PLEKHA1: variants seen among roughly 807,000 people sequenced by gnomAD.
PLEKHA1 encodes pleckstrin homology domain containing A1.
PLEKHA1 carries 34 observed loss-of-function variants against 52.0 expected under a neutral mutation model. The observed-to-expected ratio is 0.65, with a 90% CI of 0.50 to 0.87. PLEKHA1 has a LOEUF of 0.87. Among genes scored for constraint, PLEKHA1 ranks in the 40% least tolerant of loss-of-function variants. The pLI is 0.00. For synonymous variants in PLEKHA1, 163 were observed against 170.7 expected (o/e 0.95, Z 0.35); for missense variants, 497 against 504.2 (o/e 0.99, Z 0.14).
At chr10:122,376,186 G>T (rs2096532192) in intron 1 of PLEKHA1, among the ~76,000 whole-genome samples, 1 of 152,072 alleles carries the variant, frequency 6.6e-6, no homozygotes, top group African/African-American at 2.4e-5. Flanking sequence ...AAAATAATAA[G>T]ATTTATTCTG....
At chr10:122,429,564 C>CT in intron 11 of PLEKHA1, 60 bp from the exon 12 acceptor site, 1 of 1,485,346 alleles carries the variant, frequency 6.7e-7, no homozygotes, top group Middle Eastern at 1.8e-4. Context: ...AAGTCTCACA[C>CT]TGAGTTACTA....
intron 9 of PLEKHA1, 44 bp downstream of exon 9, chr10:122,424,307 A>G: frequency 6.4e-7 from 1 of 1,554,550 alleles, no homozygotes; most frequent in Non-Finnish European, 8.7e-7. Flanking sequence ...AGTTATAAAC[A>G]CAGAATAGTG....
downstream of PLEKHA1, chr10:122,435,996 T>TA (rs982430801): frequency 6.6e-6 from 1 of 152,118 alleles, no homozygotes; most frequent in Non-Finnish European, 1.5e-5. Context: ...CTGACACTGA[T>TA]ACAGTCAAGA....
intron 1 of PLEKHA1, among the ~76,000 whole-genome samples, chr10:122,377,533 G>A (rs1402845065): frequency 6.6e-6 from 1 of 152,172 alleles, no homozygotes; most frequent in East Asian, 1.9e-4. Context: ...TTGACATGGT[G>A]TCTGAAAGGA....
intron 1 of PLEKHA1, among the ~76,000 whole-genome samples, chr10:122,391,523 T>C (rs2096775253): frequency 6.6e-6 from 1 of 152,172 alleles, no homozygotes; most frequent in Admixed American, 6.5e-5. Context: ...GAGGCTTTTT[T>C]CCCCCACATT....
At chr10:122,397,108 C>A (rs1183385691) in intron 2 of PLEKHA1, among the ~76,000 whole-genome samples, 5 of 152,014 alleles carry the variant, frequency 3.3e-5, no homozygotes, top group Admixed American at 2.0e-4. Flanking sequence ...CACATAGCCC[C>A]CCTCTCTCTT....
chr10:122,428,877 A>G (rs1388538269), intron 11 of PLEKHA1, among the ~76,000 whole-genome samples: 2 of 152,204 alleles, frequency 1.3e-5, no homozygotes, highest in Non-Finnish European at 2.9e-5. Context: ...TAGAATGGTC[A>G]TATTTAAGGA....
At chr10:122,424,374 T>G in intron 9 of PLEKHA1, 111 bp downstream of exon 9, 1 of 1,219,008 alleles carries the variant, frequency 8.2e-7, no homozygotes, top group Non-Finnish European at 1.1e-6. Context: ...TTGTAGTTAT[T>G]TTTAACTCTT....
intron 1 of PLEKHA1, among the ~76,000 whole-genome samples, chr10:122,390,487 G>A (rs1376643012): frequency 1.3e-5 from 2 of 152,106 alleles, no homozygotes; most frequent in Non-Finnish European, 2.9e-5. Context: ...GGTTTAAAGC[G>A]AGACACTTGG....
rs564206324 is a variant in PLEKHA1 at position 122,375,626 on chromosome 10, C to T, written c.-21+820C>T. On this transcript the variant is annotated intron_variant, in intron 1 of 11. Coordinates refer to ENST00000368990, the MANE Select transcript of PLEKHA1 (RefSeq NM_001001974.4). ...GAAAGTGTGTCATAATGAAAGCGGT[C>T]CTGTTGCTTATAGTGTTTACCGCCT... Among the ~76,000 whole-genome samples, 14 of 152,276 alleles carry T rather than the reference C, an allele frequency of 9.2e-5. 1 individual carries two copies. The highest frequency in any genetic ancestry group is 3.3e-4 in the Admixed American group (5 of 15,304).
At chr10:122,417,789 T>C (rs892902449) in intron 7 of PLEKHA1, 111 bp from the exon 8 acceptor site, 47 of 719,806 alleles carry the variant, frequency 6.5e-5, no homozygotes, top group Non-Finnish European at 9.5e-5. Flanking sequence ...TAATGAGATT[T>C]TTCACTGCTT....
At chr10:122,439,081 G>GT in the PLEKHA1 span, 106 of 152,206 alleles carry the variant, frequency 7.0e-4, no homozygotes, top group African/African-American at 2.4e-3. Context: ...ATTTTGTTGA[G>GT]TTTTTTTCTT....
rs1005671570 is a variant in PLEKHA1 at position 122,393,187 on chromosome 10, G to C, written c.-14G>C. 1 of 1,605,030 alleles carries C rather than the reference G, an allele frequency of 6.2e-7. No homozygotes were observed. Among genetic ancestry groups the C allele is most frequent in the Non-Finnish European group, 8.5e-7 (1 of 1,176,322 alleles). ...TAATATTTTTATTTTACAGTGTAATGTTCAAGCTCAGAAATGCCTTATGTG... is the reference window on the plus strand; with the variant it reads ...TAATATTTTTATTTTACAGTGTAATCTTCAAGCTCAGAAATGCCTTATGTG... On this transcript the variant is annotated 5_prime_UTR_variant, in exon 2 of 12. The change abolishes an upstream ATG in the 5' untranslated region. Transcript: ENST00000368990. This position sits in a 1 kb window ranked among gnomAD's most constrained non-coding sequence, Gnocchi z 4.5.
intron 6 of PLEKHA1, among the ~76,000 whole-genome samples, chr10:122,415,388 C>G (rs1451445715): frequency 6.6e-6 from 1 of 152,198 alleles, no homozygotes; most frequent in East Asian, 1.9e-4. Flanking sequence ...CAGATCTACA[C>G]ATGTGATAAA....
chr10:122,403,482 A>C (rs1395245763), intron 4 of PLEKHA1, among the ~76,000 whole-genome samples: 1 of 152,146 alleles, frequency 6.6e-6, no homozygotes, highest in Non-Finnish European at 1.5e-5. Flanking sequence ...AATCATAAAG[A>C]TTTGAAGTTA....
chr10:122,424,917 C>T lies in PLEKHA1; in HGVS notation c.768C>T (p.Asn256=). Residue 256 remains asparagine (N), a synonymous_variant, in exon 10 of 12, where the codon AAC becomes AAT. Coordinates refer to ENST00000368990, the MANE Select transcript of PLEKHA1 (RefSeq NM_001001974.4). Reference sequence around the variant, plus strand: ...ACAGCGACATAATGATGAGGGACAACCTCTTTGAAATTGTAACAACGTCTC... The same window carrying T: ...ACAGCGACATAATGATGAGGGACAATCTCTTTGAAATTGTAACAACGTCTC... The part of the protein sequence containing the change: ...CKQSDIMMRD[N]LFEIVTTSRT... 1 of 1,609,668 alleles carries T rather than the reference C, an allele frequency of 6.2e-7. No homozygotes were observed. The highest frequency in any genetic ancestry group is 8.5e-7 in the Non-Finnish European group (1 of 1,177,910).
At chr10:122,415,011 G>T (rs899020351) in intron 6 of PLEKHA1, among the ~76,000 whole-genome samples, 2 of 152,072 alleles carry the variant, frequency 1.3e-5, no homozygotes, top group African/African-American at 2.4e-5. Context: ...GTGCATGAAT[G>T]TTGATAGCAG....
At chr10:122,438,848 A>G in the PLEKHA1 span, 1 of 149,060 alleles carries the variant, frequency 6.7e-6, no homozygotes, top group African/African-American at 2.5e-5. Flanking sequence ...ATACACTAAC[A>G]TTAATGATAG....
chr10:122,424,902 A>G lies in PLEKHA1; in HGVS notation c.753A>G (p.Ile251Met). 1 of 1,609,506 alleles carries G rather than the reference A, an allele frequency of 6.2e-7. No individual in the cohort carries two copies. Among genetic ancestry groups the G allele is most frequent in the African/African-American group, 1.3e-5 (1 of 74,826 alleles). The change falls in exon 10 of 12, where the codon ATA (isoleucine) becomes ATG (methionine). Residue 251 changes from isoleucine (I) to methionine (M), a missense_variant. Transcript: ENST00000368990. The part of the protein sequence containing the change: ...HKVQECKQSD[I>M]MMRDNLFEIV... ...GGATTTTTTTTTCATACAGCGACAT[A>G]ATGATGAGGGACAACCTCTTTGAAA...
Sources: allele counts gnomAD v4.1 joint callset (sites outside exome capture counted in the v4.1 genomes callset), GRCh38; gene constraint gnomAD v4.1.1; non-coding constraint Gnocchi (gnomAD v3.1); transcripts MANE v1.5; gene names NCBI Gene and HGNC (gene_info 2026-07-23, HGNC 2026-07-21).